Variants in PLEKHG1 observed in about 807,000 individuals in gnomAD.
PLEKHG1 encodes the protein pleckstrin homology and RhoGEF domain containing G1.
Under a neutral mutation model 100.8 loss-of-function variants are expected in PLEKHG1, and 44 were observed. That is an observed-to-expected ratio of 0.44 (90% CI 0.34 to 0.56). The LOEUF (loss-of-function observed/expected upper bound fraction) is 0.56, where lower values mean the gene tolerates loss of function less well. Among genes scored for constraint, PLEKHG1 ranks in the 20% least tolerant of loss-of-function variants. The pLI is 0.01. For synonymous variants in PLEKHG1, 640 were observed against 662.5 expected (o/e 0.97, Z 0.52); for missense variants, 1,545 against 1,720.9 (o/e 0.90, Z 1.81).
chr6:150,780,342 C>G (rs934659853), intron 3 of PLEKHG1, among the ~76,000 whole-genome samples: 1 of 151,958 alleles, frequency 6.6e-6, no homozygotes, highest in African/African-American at 2.4e-5. Flanking sequence ...TCTTGAACTC[C>G]TGACCTCATG....
intron 3 of PLEKHG1, among the ~76,000 whole-genome samples, chr6:150,712,208 G>T (rs1379395726): frequency 6.6e-6 from 1 of 152,134 alleles, no homozygotes; most frequent in Non-Finnish European, 1.5e-5. Context: ...TGGAGGAGCT[G>T]CCCCAAATCA....
intron 15 of PLEKHG1, among the ~76,000 whole-genome samples, chr6:150,837,316 G>C (rs1777282932): frequency 6.6e-6 from 1 of 152,194 alleles, no homozygotes; most frequent in African/African-American, 2.4e-5. Context: ...ATCAGAAAAG[G>C]ATTCAAGTAA....
intron 1 of PLEKHG1, among the ~76,000 whole-genome samples, chr6:150,723,473 C>A (rs1052447395): frequency 6.6e-6 from 1 of 152,120 alleles, no homozygotes; most frequent in African/African-American, 2.4e-5. Context: ...CTCTAAGTTC[C>A]TTTTCTACCC....
chr6:150,631,084 A>G (rs1440960368), intron 1 of PLEKHG1, among the ~76,000 whole-genome samples: 1 of 152,186 alleles, frequency 6.6e-6, no homozygotes, highest in Non-Finnish European at 1.5e-5. Flanking sequence ...GATTTGAGCA[A>G]ATACTGTGGA....
upstream of PLEKHG1, among the ~76,000 whole-genome samples, chr6:150,719,578 CT>C (rs1781579638): frequency 6.6e-6 from 1 of 152,172 alleles, no homozygotes; most frequent in African/African-American, 2.4e-5. Context: ...TAATAAACAG[CT>C]GTTAAAGTAA....
chr6:150,611,737 G>T (rs149475238), intron 1 of PLEKHG1, among the ~76,000 whole-genome samples: 3 of 151,518 alleles, frequency 2.0e-5, no homozygotes, highest in Non-Finnish European at 2.9e-5. Flanking sequence ...GCTTCAACTC[G>T]GTAGGCGGAG....
At position 150,810,843 on chromosome 6, in the gene PLEKHG1, C is replaced by T. The variant is rs371350516; in HGVS notation, c.1278+1109C>T. 4.7e-3 allele frequency among the ~76,000 whole-genome samples: 711 copies of T among 152,078 alleles called. 8 individuals carry two copies. Among genetic ancestry groups the T allele is most frequent in the African/African-American group, 0.016 (652 of 41,460 alleles). On this transcript the variant is annotated intron_variant, in intron 10 of 15. Transcript: ENST00000358517. Reference sequence around the variant, plus strand: ...GGCTGAGGCAGGAGAATCGCTTGAACCCAGGAGGCGGAGGTTGCAGTAAGC... The same window carrying T: ...GGCTGAGGCAGGAGAATCGCTTGAATCCAGGAGGCGGAGGTTGCAGTAAGC...
chr6:150,843,624 G>A (rs888948891), exon 16 of PLEKHG1: 6 of 152,146 alleles, frequency 3.9e-5, no homozygotes, highest in Non-Finnish European at 5.9e-5. Flanking sequence ...ATGAAAGTTA[G>A]TAACGTCCAT....
In PLEKHG1 at chr6:150,758,712, C is replaced by G. The variant is rs1380242867; in HGVS notation, c.412-9926C>G. On this transcript the variant is annotated intron_variant, in intron 2 of 15. Coordinates refer to ENST00000358517, the Ensembl canonical transcript of PLEKHG1. ...TATTGTGGTTTTGATTTGCATTTCT[C>G]TAATGATCAGTGGTGTTGAGCTTTT... Among the ~76,000 whole-genome samples the G allele has an allele frequency of 2.0e-5, 3 of 152,178 alleles. No homozygotes were observed. The East Asian group carries it at 5.8e-4, about 29-fold the overall frequency.
rs146514066 is a variant in PLEKHG1, at chr6:150,666,224, C to T, written c.-99+15438C>T. Among the ~76,000 whole-genome samples the T allele has an allele frequency of 6.2e-3, 947 of 152,318 alleles. 10 individuals are homozygous for T. The highest frequency in any genetic ancestry group is 0.021 in the African/African-American group (881 of 41,568). ...AAAGGGTCAGATGTTCCACTTTCTG[C>T]AATCCAATGGAGTTGTGGTTGTCTG... On this transcript the variant is annotated intron_variant, in intron 3 of 3. Transcript: ENST00000367326.
At chr6:150,735,368 G>A (rs1045475166) in intron 2 of PLEKHG1, among the ~76,000 whole-genome samples, 2 of 152,092 alleles carry the variant, frequency 1.3e-5, no homozygotes, top group Non-Finnish European at 2.9e-5. Context: ...GTTACTACCT[G>A]TTTCCTGTTT....
intron 2 of PLEKHG1, among the ~76,000 whole-genome samples, chr6:150,741,417 C>A (rs1782848247): frequency 1.3e-5 from 2 of 152,082 alleles, no homozygotes; most frequent in South Asian, 4.2e-4. Flanking sequence ...GTAACCATCC[C>A]CATCACCTCA....
intron 3 of PLEKHG1, among the ~76,000 whole-genome samples, chr6:150,685,759 T>C (rs775524484): frequency 6.6e-6 from 1 of 152,222 alleles, no homozygotes; most frequent in Non-Finnish European, 1.5e-5. Flanking sequence ...TTAAATGTGA[T>C]CAGTTTTAGG....
At chr6:150,652,307 C>T (rs1460708987) in intron 3 of PLEKHG1, among the ~76,000 whole-genome samples, 1 of 152,122 alleles carries the variant, frequency 6.6e-6, no homozygotes, top group East Asian at 1.9e-4. Flanking sequence ...TTTGTCAAGG[C>T]CTGCAATGGT....
At chr6:150,798,635 G>A (rs1786501670) in intron 5 of PLEKHG1, among the ~76,000 whole-genome samples, 1 of 152,188 alleles carries the variant, frequency 6.6e-6, no homozygotes, top group Non-Finnish European at 1.5e-5. Flanking sequence ...GCAACTAAAT[G>A]CAATGGTGGA....
At chr6:150,722,370 T>TTTTTTC (rs1781739939) in intron 1 of PLEKHG1, among the ~76,000 whole-genome samples, 1 of 101,830 alleles carries the variant, frequency 9.8e-6, no homozygotes, top group Non-Finnish European at 2.2e-5. Flanking sequence ...TTTTTTTTTT[T>TTTTTTC]TGAGACTGAG....
intron 3 of PLEKHG1, among the ~76,000 whole-genome samples, chr6:150,706,917 C>T (rs1781030561): frequency 6.6e-6 from 1 of 151,216 alleles, no homozygotes; most frequent in South Asian, 2.1e-4. Flanking sequence ...CCTCCCCTCA[C>T]CAAATTTTTC....
intron 1 of PLEKHG1, among the ~76,000 whole-genome samples, chr6:150,634,893 G>A (rs971359623): frequency 6.6e-6 from 1 of 152,226 alleles, no homozygotes; most frequent in African/African-American, 2.4e-5. Context: ...GTAGGAGTGG[G>A]TAGGAATTTA....
At chr6:150,739,708 G>A (rs1398879342) in intron 2 of PLEKHG1, among the ~76,000 whole-genome samples, 2 of 151,918 alleles carry the variant, frequency 1.3e-5, no homozygotes, top group African/African-American at 4.8e-5. Context: ...AAGTATTCTA[G>A]CCTTGATGTT....
Sources: allele counts gnomAD v4.1 joint callset (sites outside exome capture counted in the v4.1 genomes callset), GRCh38; gene constraint gnomAD v4.1.1; transcripts MANE v1.5; gene names NCBI Gene and HGNC (gene_info 2026-07-23, HGNC 2026-07-21).